MYLK: variants seen among roughly 807,000 people sequenced by gnomAD.
The protein encoded by MYLK is myosin light chain kinase, smooth muscle.
In MYLK, 106 loss-of-function variants were observed where a neutral mutation model predicts 203.4. That is an observed-to-expected ratio of 0.52 (90% CI 0.45 to 0.61). The LOEUF (loss-of-function observed/expected upper bound fraction) is 0.61. Ranked by LOEUF, MYLK falls within the 20% of genes least tolerant of loss-of-function variation. MYLK has a pLI of 0.00. For missense variants in MYLK, 2,072 were observed against 2,442.3 expected, an observed-to-expected ratio of 0.85 and a Z score of 3.20; for synonymous variants, 867 against 959.5, an observed-to-expected ratio of 0.90 and a Z score of 1.78.
intron 19 of MYLK, chr3:123,691,373 G>C (rs1043066888): frequency 2.0e-5 from 3 of 152,166 alleles, no homozygotes; most frequent in African/African-American, 7.2e-5. Flanking sequence ...CCTCTGAATT[G>C]AGCATAAACT....
At chr3:123,619,091 A>G (rs820459) in intron 32 of MYLK, among the ~76,000 whole-genome samples, 8,665 of 152,304 alleles carry the variant, frequency 0.057, 348 homozygotes, top group East Asian at 0.24. Flanking sequence ...AGCTGAGGGT[A>G]TCTGAGCAGG....
At chr3:123,846,628 T>C (rs1424626326) in intron 2 of MYLK, among the ~76,000 whole-genome samples, 1 of 152,126 alleles carries the variant, frequency 6.6e-6, no homozygotes. Context: ...AAAGCTGTAG[T>C]ACCGTCCTTC....
In MYLK at chr3:123,629,730, C is replaced by G. The variant is rs943666454; in HGVS notation, c.4962-104G>C. 38 of 1,237,624 alleles carry G rather than the reference C, an allele frequency of 3.1e-5. No individual in the cohort carries two copies. Among genetic ancestry groups the G allele is most frequent in the Non-Finnish European group, 4.4e-5 (37 of 849,342 alleles). The allele number at this position is 1,237,624 out of a possible 1,614,324, so 76.7% of individuals were successfully genotyped here. On this transcript the variant is annotated intron_variant, in intron 29 of 33. Transcript: ENST00000360304. The surrounding 1 kb of genome is among the most constrained non-coding windows in gnomAD (Gnocchi z 4.4). ...GCGAGGGTCGGCCAGCCTCCCCACCCCCAAACTCATGCTCTGTGGGCCTTG... is the reference window on the plus strand; with the variant it reads ...GCGAGGGTCGGCCAGCCTCCCCACCGCCAAACTCATGCTCTGTGGGCCTTG...
intron 4 of MYLK, among the ~76,000 whole-genome samples, chr3:123,759,594 G>A (rs371838003): frequency 9.2e-5 from 14 of 152,142 alleles, no homozygotes; most frequent in African/African-American, 2.2e-4. Flanking sequence ...TGTTAGACCC[G>A]GTGGGGATGC....
At chr3:123,627,768 G>A (rs149948002) in intron 30 of MYLK, among the ~76,000 whole-genome samples, 3 of 152,182 alleles carry the variant, frequency 2.0e-5, no homozygotes, top group African/African-American at 7.2e-5. Flanking sequence ...AGTGCTGATA[G>A]GTGGTGATTT....
At chr3:123,806,097 T>A (rs78182584) in intron 3 of MYLK, among the ~76,000 whole-genome samples, 1 of 151,080 alleles carries the variant, frequency 6.6e-6, no homozygotes, top group South Asian at 2.1e-4. Context: ...TTTTATTTTT[T>A]AATTCATGCT....
At chr3:123,781,875 C>T (rs1016280062) in intron 4 of MYLK, among the ~76,000 whole-genome samples, 1 of 152,102 alleles carries the variant, frequency 6.6e-6, no homozygotes, top group Non-Finnish European at 1.5e-5. Context: ...CACTCAAAAT[C>T]TTTCTTAAAT....
intron 4 of MYLK, among the ~76,000 whole-genome samples, chr3:123,788,363 CTCTT>C (rs1180359524): frequency 1.3e-5 from 2 of 150,666 alleles, no homozygotes; most frequent in African/African-American, 4.9e-5. Flanking sequence ...TTTCAAATTT[CTCTT>C]TTTTTTTTTG....
At chr3:123,745,214 A>G (rs2062979266) in intron 5 of MYLK, among the ~76,000 whole-genome samples, 1 of 152,086 alleles carries the variant, frequency 6.6e-6, no homozygotes, top group Admixed American at 6.6e-5. Flanking sequence ...GGAACTGGGA[A>G]AAGATTCTTG....
chr3:123,636,724 C>A (rs2058657407), intron 29 of MYLK, among the ~76,000 whole-genome samples: 1 of 152,226 alleles, frequency 6.6e-6, no homozygotes. Flanking sequence ...AGCGCCCCTT[C>A]TCCAAGAGGG....
At chr3:123,878,312 T>C (rs1227397443) in intron 1 of MYLK, among the ~76,000 whole-genome samples, 2 of 152,124 alleles carry the variant, frequency 1.3e-5, no homozygotes, top group Non-Finnish European at 2.9e-5. Flanking sequence ...AGATACCACG[T>C]CACATAGCAG....
chr3:123,882,642 C>A (rs1577178691), intron 1 of MYLK, among the ~76,000 whole-genome samples: 1 of 152,092 alleles, frequency 6.6e-6, no homozygotes, highest in East Asian at 1.9e-4. Flanking sequence ...CACATCTTGG[C>A]AAAAAAAGCT....
At chr3:123,845,402 C>T (rs988187073) in intron 2 of MYLK, among the ~76,000 whole-genome samples, 7 of 152,186 alleles carry the variant, frequency 4.6e-5, no homozygotes, top group Non-Finnish European at 1.0e-4. Context: ...ACCGCAAGGA[C>T]ATGTCAGGAG....
At chr3:123,770,517 G>A (rs536705504) in intron 4 of MYLK, among the ~76,000 whole-genome samples, 2 of 152,220 alleles carry the variant, frequency 1.3e-5, no homozygotes, top group African/African-American at 2.4e-5. Context: ...ACAGGGAGTG[G>A]GCAGTCCCAT....
intron 29 of MYLK, among the ~76,000 whole-genome samples, chr3:123,632,200 G>C (rs2058458757): frequency 6.6e-6 from 1 of 151,994 alleles, no homozygotes; most frequent in Non-Finnish European, 1.5e-5. Flanking sequence ...ACATCAAGGG[G>C]ACTAGGCTAG....
chr3:123,743,125 T>C (rs2062909837), intron 5 of MYLK, among the ~76,000 whole-genome samples: 1 of 152,162 alleles, frequency 6.6e-6, no homozygotes. Flanking sequence ...AATTTTATGT[T>C]AGGTATGTAT....
chr3:123,877,772 C>T (rs796939108), intron 1 of MYLK, among the ~76,000 whole-genome samples: 18 of 152,264 alleles, frequency 1.2e-4, no homozygotes, highest in African/African-American at 4.3e-4. Context: ...CAAGTGATTA[C>T]GAAAATGATC....
Position 123,861,940 on chromosome 3 carries a change from G to A in MYLK, c.-127+14619C>T, listed in dbSNP as rs148519872. 5.9e-3 allele frequency among the ~76,000 whole-genome samples: 895 copies of A among 152,264 alleles called. 14 individuals are homozygous for A. The highest frequency in any genetic ancestry group is 0.043 in the East Asian group (224 of 5,176). The stretch of plus-strand genomic sequence containing the variant: ...ATACACTTGAGGTGTCACCCCTTCC[G>A]CAGGCAGGAGTATCCTCATGCTTGC... On this transcript the variant is annotated intron_variant, in intron 2 of 33. Coordinates refer to ENST00000360304, the MANE Select transcript of MYLK (RefSeq NM_053025.4).
chr3:123,859,467 C>G (rs1186426519), intron 2 of MYLK, among the ~76,000 whole-genome samples: 1 of 152,224 alleles, frequency 6.6e-6, no homozygotes, highest in Non-Finnish European at 1.5e-5. Flanking sequence ...ACTCCAAGTC[C>G]GTGACAAGTT....
Sources: allele counts gnomAD v4.1 joint callset (sites outside exome capture counted in the v4.1 genomes callset), GRCh38; gene constraint gnomAD v4.1.1; non-coding constraint Gnocchi (gnomAD v3.1); transcripts MANE v1.5; gene names NCBI Gene and HGNC (gene_info 2026-07-23, HGNC 2026-07-21).